The following DLGAP2 variants were observed in gnomAD, a reference collection of about 807,000 sequenced individuals.
DLGAP2 encodes the protein DLG associated protein 2.
In DLGAP2, 26 loss-of-function variants were observed where a neutral mutation model predicts 100.3. The observed-to-expected ratio is 0.26, with a 90% CI of 0.19 to 0.36. The LOEUF (loss-of-function observed/expected upper bound fraction) is 0.36, where lower values mean the gene tolerates loss of function less well. DLGAP2 is among the 10% of genes least tolerant of loss of function. The pLI is 1.00. For synonymous variants in DLGAP2, 886 were observed against 630.1 expected, an observed-to-expected ratio of 1.41 and a Z score of -6.08; for missense variants, 1,858 against 1,453.2, an observed-to-expected ratio of 1.28 and a Z score of -4.53.
chr8:1,232,376 C>T (rs1238730018), intron 2 of DLGAP2, among the ~76,000 whole-genome samples: 1 of 152,222 alleles, frequency 6.6e-6, no homozygotes, highest in African/African-American at 2.4e-5. Flanking sequence ...ATGAGCAGTC[C>T]TCTGTCCTCA....
chr8:1,088,600 G>A (rs142853401), intron 2 of DLGAP2, among the ~76,000 whole-genome samples: 33 of 152,190 alleles, frequency 2.2e-4, no homozygotes, highest in African/African-American at 7.2e-4. Context: ...CAGGGTCTCC[G>A]AAAGGCAAAC....
chr8:783,881 A>G (rs1563430392), intron 1 of DLGAP2, among the ~76,000 whole-genome samples: 1 of 152,144 alleles, frequency 6.6e-6, no homozygotes, highest in Non-Finnish European at 1.5e-5. Context: ...TTAGTTTCCC[A>G]TTTCTTGCTT....
rs376585586 is a variant in DLGAP2 at position 1,699,884 on chromosome 8, A to T, written c.2950-1304A>T. ...TGATGTGTACATCTCACAGGCTCAC[A>T]GTTCAGGGGACACCAAAAGAGGAAA... On this transcript the variant is annotated intron_variant, in intron 14 of 14. Coordinates refer to ENST00000637795, the MANE Select transcript of DLGAP2 (RefSeq NM_001346810.2). Among the ~76,000 whole-genome samples, 143 of 152,324 alleles carry T rather than the reference A, an allele frequency of 9.4e-4. 4 individuals are homozygous for T. In the South Asian group the frequency reaches 0.024, roughly 25 times the overall value.
chr8:787,768 G>C (rs1020431790), intron 1 of DLGAP2, among the ~76,000 whole-genome samples: 4 of 152,216 alleles, frequency 2.6e-5, no homozygotes, highest in Non-Finnish European at 4.4e-5. Flanking sequence ...CATCTTCCTG[G>C]AGTGTATTTG....
intron 1 of DLGAP2, among the ~76,000 whole-genome samples, chr8:749,926 G>A (rs1190400539): frequency 1.3e-5 from 2 of 152,178 alleles, no homozygotes; most frequent in Non-Finnish European, 2.9e-5. Context: ...ACTCCAGCCT[G>A]CTTCTCTGTC....
At chr8:1,379,619 C>T (rs762011736) in intron 3 of DLGAP2, 1 of 152,252 alleles carries the variant, frequency 6.6e-6, no homozygotes, top group South Asian at 2.1e-4. Context: ...GTCTTTGTCA[C>T]ATAGAGTTGG....
At chr8:758,501 C>G (rs1027482537) in intron 1 of DLGAP2, among the ~76,000 whole-genome samples, 5 of 152,160 alleles carry the variant, frequency 3.3e-5, no homozygotes, top group African/African-American at 7.2e-5. Context: ...GCGTCTTGCT[C>G]CACCTCTGCC....
At chr8:873,286 A>C (rs1237965916) in intron 1 of DLGAP2, among the ~76,000 whole-genome samples, 1 of 152,180 alleles carries the variant, frequency 6.6e-6, no homozygotes, top group Non-Finnish European at 1.5e-5. Flanking sequence ...AAATAGAGGT[A>C]GTTTTATGAT....
intron 2 of DLGAP2, among the ~76,000 whole-genome samples, chr8:1,023,105 C>T (rs533127903): frequency 6.6e-6 from 1 of 152,356 alleles, no homozygotes; most frequent in East Asian, 1.9e-4. Flanking sequence ...GACCTTTTCT[C>T]CCCAGGCATT....
chr8:747,100 C>A (rs1410428049), intron 1 of DLGAP2, among the ~76,000 whole-genome samples: 1 of 151,924 alleles, frequency 6.6e-6, no homozygotes, highest in African/African-American at 2.4e-5. Context: ...TCTCGGGGGG[C>A]TGGGGAGAGC....
At chr8:1,049,096 A>T (rs1802598804) in intron 2 of DLGAP2, among the ~76,000 whole-genome samples, 1 of 152,216 alleles carries the variant, frequency 6.6e-6, no homozygotes, top group Non-Finnish European at 1.5e-5. Context: ...CCTGCAAAAT[A>T]CATGGGAGGG....
intron 2 of DLGAP2, among the ~76,000 whole-genome samples, chr8:1,045,777 T>C (rs1361596798): frequency 6.6e-6 from 1 of 152,194 alleles, no homozygotes; most frequent in Non-Finnish European, 1.5e-5. Context: ...CCAGAAGAGT[T>C]CCTGGCACAT....
At chr8:1,214,809 G>GACTTCC (rs1322383367) in intron 2 of DLGAP2, among the ~76,000 whole-genome samples, 3 of 152,204 alleles carry the variant, frequency 2.0e-5, no homozygotes, top group Non-Finnish European at 1.5e-5. Flanking sequence ...AATTAGCCTT[G>GACTTCC]ACTTCCACAT....
intron 1 of DLGAP2, among the ~76,000 whole-genome samples, chr8:879,345 T>C (rs2128993018): frequency 6.6e-6 from 1 of 152,350 alleles, no homozygotes; most frequent in Non-Finnish European, 1.5e-5. Flanking sequence ...GAAATGACAC[T>C]GTCTGCTTGG....
At chr8:1,088,159 A>G (rs1288370211) in intron 2 of DLGAP2, among the ~76,000 whole-genome samples, 2 of 152,238 alleles carry the variant, frequency 1.3e-5, no homozygotes, top group Non-Finnish European at 2.9e-5. Context: ...TCCACCTTCC[A>G]GACGACTTCC....
chr8:1,600,597 G>T (rs1479815516), intron 6 of DLGAP2, among the ~76,000 whole-genome samples: 1 of 151,970 alleles, frequency 6.6e-6, no homozygotes, highest in Non-Finnish European at 1.5e-5. Flanking sequence ...CTCCAATCTT[G>T]TCTTCACACT....
At chr8:1,151,491 A>G (rs184516094) in intron 2 of DLGAP2, among the ~76,000 whole-genome samples, 7 of 152,160 alleles carry the variant, frequency 4.6e-5, no homozygotes, top group African/African-American at 1.4e-4. Context: ...TGAACGGGAG[A>G]GGAGGGTTAT....
At chr8:1,148,354 A>G (rs1796641045) in intron 2 of DLGAP2, among the ~76,000 whole-genome samples, 1 of 151,922 alleles carries the variant, frequency 6.6e-6, no homozygotes, top group Non-Finnish European at 1.5e-5. Flanking sequence ...TGTTTTCTCT[A>G]TTAGTTTTAA....
rs77302062 is a variant in DLGAP2, at chr8:1,524,062, G to A, written c.172+22631G>A. ...GACGTTTCTGATCTGCAGGGACGTCGTCCCGTGTAAGAGTTCAGCGGTGCC... is the reference window on the plus strand; with the variant it reads ...GACGTTTCTGATCTGCAGGGACGTCATCCCGTGTAAGAGTTCAGCGGTGCC... On this transcript the variant is annotated intron_variant, in intron 4 of 14. Coordinates refer to ENST00000637795, the MANE Select transcript of DLGAP2 (RefSeq NM_001346810.2). 2.3e-3 allele frequency among the ~76,000 whole-genome samples: 354 copies of A among 152,282 alleles called. 9 individuals are homozygous for A. The East Asian group carries it at 0.063, about 27-fold the overall frequency.
Sources: allele counts gnomAD v4.1 joint callset (sites outside exome capture counted in the v4.1 genomes callset), GRCh38; gene constraint gnomAD v4.1.1; transcripts MANE v1.5; gene names NCBI Gene and HGNC (gene_info 2026-07-23, HGNC 2026-07-21).